ZFPM2: variants seen among roughly 807,000 people sequenced by gnomAD.
ZFPM2 encodes zinc finger protein, FOG family member 2, also known as zinc finger protein ZFPM2.
A neutral mutation model predicts 98.6 loss-of-function variants in ZFPM2; 20 were observed. That is an observed-to-expected ratio of 0.20 (90% CI 0.14 to 0.29). ZFPM2 has a LOEUF of 0.29. Ranked by LOEUF, ZFPM2 falls within the 10% of genes least tolerant of loss-of-function variation. ZFPM2 has a pLI of 1.00. For synonymous variants in ZFPM2, 518 were observed against 502.7 expected, an observed-to-expected ratio of 1.03 and a Z score of -0.41; for missense variants, 1,310 against 1,388.6, an observed-to-expected ratio of 0.94 and a Z score of 0.90.
rs1816179138 is a variant in ZFPM2 at position 105,605,544 on chromosome 8, G to A, written c.421-28702G>A. Reference sequence around the variant, plus strand: ...GTGGATTTCAAAATATTGAGGTTGTGCCATGAACAACCATTATTTGTAAAT... The same window carrying A: ...GTGGATTTCAAAATATTGAGGTTGTACCATGAACAACCATTATTTGTAAAT... On this transcript the variant is annotated intron_variant, in intron 4 of 7. Coordinates refer to ENST00000407775, the MANE Select transcript of ZFPM2 (RefSeq NM_012082.4). Among the ~76,000 whole-genome samples, 4 of 152,132 alleles carry A rather than the reference G, an allele frequency of 2.6e-5. No homozygotes were observed. In the South Asian group the frequency reaches 8.3e-4, roughly 32 times the overall value.
intron 3 of ZFPM2, among the ~76,000 whole-genome samples, chr8:105,460,169 G>T (rs1174517969): frequency 1.3e-5 from 2 of 152,150 alleles, no homozygotes; most frequent in African/African-American, 4.8e-5. Flanking sequence ...AGTGGAGAAG[G>T]CAAATCAATT....
chr8:105,433,964 G>A (rs1305506031), intron 2 of ZFPM2, among the ~76,000 whole-genome samples: 7 of 152,158 alleles, frequency 4.6e-5, no homozygotes, highest in South Asian at 4.1e-4. Flanking sequence ...TGAAACTACC[G>A]TCAAAATAAT....
At chr8:105,372,425 C>T (rs1810642744) in intron 1 of ZFPM2, among the ~76,000 whole-genome samples, 2 of 152,034 alleles carry the variant, frequency 1.3e-5, no homozygotes, top group Non-Finnish European at 2.9e-5. Context: ...AGGGTATGTG[C>T]ATGTTTATTA....
chr8:105,343,804 A>G (rs146407331), intron 1 of ZFPM2, among the ~76,000 whole-genome samples: 81 of 152,270 alleles, frequency 5.3e-4, no homozygotes, highest in African/African-American at 1.8e-3. Context: ...GTGATTTAAT[A>G]TTCTAGATGG....
At chr8:105,684,081 C>T (rs1298993548) in intron 5 of ZFPM2, among the ~76,000 whole-genome samples, 1 of 152,102 alleles carries the variant, frequency 6.6e-6, no homozygotes, top group African/African-American at 2.4e-5. Flanking sequence ...ATAGAGAAAT[C>T]ATTGATGCGC....
intron 4 of ZFPM2, among the ~76,000 whole-genome samples, chr8:105,609,567 C>T (rs1196875013): frequency 6.6e-6 from 1 of 152,136 alleles, no homozygotes; most frequent in Non-Finnish European, 1.5e-5. Flanking sequence ...CTCCCATTGC[C>T]AAAGTTACAT....
At chr8:105,662,177 A>G (rs975278608) in intron 5 of ZFPM2, among the ~76,000 whole-genome samples, 2 of 152,154 alleles carry the variant, frequency 1.3e-5, no homozygotes, top group Non-Finnish European at 2.9e-5. Flanking sequence ...TGAGACTGAC[A>G]CATACACCCA....
intron 4 of ZFPM2, among the ~76,000 whole-genome samples, chr8:105,598,147 G>A (rs1276460696): frequency 6.7e-6 from 1 of 148,216 alleles, no homozygotes; most frequent in Admixed American, 6.8e-5. Context: ...AGTGAGCTGT[G>A]TTCTTCTGGT....
intron 1 of ZFPM2, among the ~76,000 whole-genome samples, chr8:105,342,436 T>C (rs1812447670): frequency 6.6e-6 from 1 of 151,982 alleles, no homozygotes; most frequent in Admixed American, 6.6e-5. Flanking sequence ...GAGCACAAAC[T>C]GGGTAATTTG....
At chr8:105,630,386 A>G (rs1446651660) in intron 4 of ZFPM2, among the ~76,000 whole-genome samples, 6 of 152,194 alleles carry the variant, frequency 3.9e-5, no homozygotes, top group Non-Finnish European at 8.8e-5. Flanking sequence ...AATCTCTACA[A>G]AAGTTGACTT....
chr8:105,332,497 T>C (rs1190884411), intron 1 of ZFPM2, among the ~76,000 whole-genome samples: 2 of 151,754 alleles, frequency 1.3e-5, no homozygotes, highest in Non-Finnish European at 3.0e-5. Flanking sequence ...GTTACCTATA[T>C]GTGTTAAATT....
At chr8:105,598,520 T>C (rs1816021200) in intron 4 of ZFPM2, among the ~76,000 whole-genome samples, 1 of 152,148 alleles carries the variant, frequency 6.6e-6, no homozygotes, top group African/African-American at 2.4e-5. Flanking sequence ...GTAGAAGAGT[T>C]TTAAAATTAA....
chr8:105,713,452 T>G (rs1485090899), intron 5 of ZFPM2, among the ~76,000 whole-genome samples: 1 of 152,162 alleles, frequency 6.6e-6, no homozygotes, highest in East Asian at 1.9e-4. Context: ...TTGCAGATAC[T>G]TTCTTCCATT....
At chr8:105,484,084 A>G (rs1431046008) in intron 3 of ZFPM2, among the ~76,000 whole-genome samples, 2 of 152,054 alleles carry the variant, frequency 1.3e-5, no homozygotes, top group Non-Finnish European at 2.9e-5. Context: ...CTGCAGTTGC[A>G]TATGATCTTT....
intron 5 of ZFPM2, among the ~76,000 whole-genome samples, chr8:105,665,879 A>G (rs981626837): frequency 3.3e-5 from 5 of 152,220 alleles, no homozygotes; most frequent in Non-Finnish European, 7.3e-5. Context: ...TGGTTGGCAC[A>G]TGATAAATGG....
intron 4 of ZFPM2, among the ~76,000 whole-genome samples, chr8:105,574,048 T>C (rs533778032): frequency 1.1e-4 from 17 of 152,358 alleles, no homozygotes; most frequent in Non-Finnish European, 2.4e-4. Flanking sequence ...ATTATGCCTG[T>C]GAATAGAAAG....
chr8:105,659,625 G>A (rs936038301), intron 5 of ZFPM2, among the ~76,000 whole-genome samples: 4 of 152,174 alleles, frequency 2.6e-5, no homozygotes, highest in Non-Finnish European at 5.9e-5. Context: ...ACAGATATTT[G>A]TATGGAGTTA....
chr8:105,576,857 C>A (rs1815478662), intron 4 of ZFPM2, among the ~76,000 whole-genome samples: 1 of 152,032 alleles, frequency 6.6e-6, no homozygotes, highest in Non-Finnish European at 1.5e-5. Flanking sequence ...GACATGTCAC[C>A]CTAACTAAAT....
intron 1 of ZFPM2, among the ~76,000 whole-genome samples, chr8:105,334,236 C>A (rs914793224): frequency 1.1e-4 from 16 of 150,250 alleles, no homozygotes; most frequent in African/African-American, 3.9e-4. Flanking sequence ...TTTGTCTTCC[C>A]TTAGGTTGTG....
Sources: allele counts gnomAD v4.1 joint callset (sites outside exome capture counted in the v4.1 genomes callset), GRCh38; gene constraint gnomAD v4.1.1; transcripts MANE v1.5; gene names NCBI Gene and HGNC (gene_info 2026-07-23, HGNC 2026-07-21).